The following NAALADL2 variants were observed in gnomAD, a reference collection of about 807,000 sequenced individuals.
The protein encoded by NAALADL2 is N-acetylated alpha-linked acidic dipeptidase like 2, also known as inactive N-acetylated-alpha-linked acidic dipeptidase-like protein 2.
NAALADL2 carries 76 observed loss-of-function variants against 87.2 expected under a neutral mutation model. That is an observed-to-expected ratio of 0.87 (90% CI 0.72 to 1.05). The LOEUF is 1.05. NAALADL2 is among the 50% of genes least tolerant of loss of function. The pLI is 0.00. For synonymous variants in NAALADL2, 354 were observed against 331.0 expected (o/e 1.07, Z -0.75); for missense variants, 1,089 against 945.8 (o/e 1.15, Z -1.99).
At chr3:174,991,587 C>T (rs114432584) in intron 1 of NAALADL2, among the ~76,000 whole-genome samples, 1,788 of 151,852 alleles carry the variant, frequency 0.012, 40 homozygotes, top group African/African-American at 0.041. Flanking sequence ...ATGTACAGAA[C>T]AACAAAAAGC....
chr3:175,438,783 G>A (rs1000191811), intron 5 of NAALADL2, among the ~76,000 whole-genome samples: 1 of 152,030 alleles, frequency 6.6e-6, no homozygotes, highest in African/African-American at 2.4e-5. Flanking sequence ...GTTTATTTTT[G>A]AGTAAAAGAC....
At chr3:174,558,483 G>A (rs755798790) in intron 2 of NAALADL2, among the ~76,000 whole-genome samples, 5 of 151,986 alleles carry the variant, frequency 3.3e-5, no homozygotes, top group Admixed American at 6.6e-5. Flanking sequence ...GCAACTAGAC[G>A]GTCCCATCTG....
chr3:175,755,011 T>C (rs1747074575), intron 12 of NAALADL2, among the ~76,000 whole-genome samples: 1 of 152,190 alleles, frequency 6.6e-6, no homozygotes. Context: ...TGATGCTGAA[T>C]CTTTTTCCTT....
intron 1 of NAALADL2, among the ~76,000 whole-genome samples, chr3:174,961,532 TG>T (rs1260613942): frequency 1.3e-5 from 2 of 152,090 alleles, no homozygotes; most frequent in Non-Finnish European, 2.9e-5. Context: ...AAAAAATGAT[TG>T]AATCATTGGA....
chr3:174,537,579 T>C (rs963111012), intron 1 of NAALADL2, among the ~76,000 whole-genome samples: 1 of 152,098 alleles, frequency 6.6e-6, no homozygotes, highest in Non-Finnish European at 1.5e-5. Context: ...CAGGAAAACA[T>C]ACAAGTACAA....
At chr3:175,358,378 G>T (rs1764613575) in intron 5 of NAALADL2, among the ~76,000 whole-genome samples, 1 of 151,756 alleles carries the variant, frequency 6.6e-6, no homozygotes, top group Admixed American at 6.6e-5. Context: ...TACTGCCTTA[G>T]GAGTCTGATT....
chr3:174,445,082 G>T (rs115129757), intron 1 of NAALADL2, among the ~76,000 whole-genome samples: 1 of 151,130 alleles, frequency 6.6e-6, no homozygotes, highest in African/African-American at 2.4e-5. Context: ...AGGGTTCTGC[G>T]TAAAGTCTTG....
At chr3:175,588,249 C>A (rs1427090773) in intron 10 of NAALADL2, among the ~76,000 whole-genome samples, 3 of 152,072 alleles carry the variant, frequency 2.0e-5, no homozygotes, top group Admixed American at 2.0e-4. Flanking sequence ...ACACCTGAGC[C>A]AATTATTATA....
intron 2 of NAALADL2, among the ~76,000 whole-genome samples, chr3:174,736,505 C>T (rs1335890808): frequency 1.3e-5 from 2 of 152,042 alleles, no homozygotes; most frequent in East Asian, 1.9e-4. Flanking sequence ...CTCCTCTCCA[C>T]AGCTGGTTGT....
At chr3:175,497,704 T>C (rs993536967) in intron 9 of NAALADL2, among the ~76,000 whole-genome samples, 2 of 152,096 alleles carry the variant, frequency 1.3e-5, no homozygotes, top group Non-Finnish European at 2.9e-5. Context: ...GCTAACATAT[T>C]ACAAGGATGA....
chr3:175,168,159 C>T (rs1408536412), intron 2 of NAALADL2, among the ~76,000 whole-genome samples: 1 of 135,510 alleles, frequency 7.4e-6, no homozygotes, highest in Non-Finnish European at 1.7e-5. Context: ...ATGTAAGTTA[C>T]ATTAAAAAAT....
intron 11 of NAALADL2, among the ~76,000 whole-genome samples, chr3:175,718,989 T>C (rs1278420514): frequency 6.6e-6 from 1 of 152,162 alleles, no homozygotes; most frequent in African/African-American, 2.4e-5. Flanking sequence ...TGCGGTATGA[T>C]TGCCATTATC....
chr3:175,401,257 T>C (rs1770523719), intron 5 of NAALADL2, among the ~76,000 whole-genome samples: 1 of 152,122 alleles, frequency 6.6e-6, no homozygotes, highest in Non-Finnish European at 1.5e-5. Context: ...ATACATATTA[T>C]GAAAAAGATG....
chr3:175,187,048 T>G (rs1737446107), intron 2 of NAALADL2, among the ~76,000 whole-genome samples: 1 of 152,158 alleles, frequency 6.6e-6, no homozygotes, highest in African/African-American at 2.4e-5. Flanking sequence ...GCTAGGTGAT[T>G]TCAGAGAGCC....
chr3:174,712,551 C>A (rs921071627), intron 2 of NAALADL2, among the ~76,000 whole-genome samples: 6 of 151,544 alleles, frequency 4.0e-5, no homozygotes, highest in African/African-American at 1.2e-4. Flanking sequence ...CCAGGCCCAG[C>A]TAATTTTTAT....
intron 1 of NAALADL2, among the ~76,000 whole-genome samples, chr3:174,982,890 T>C (rs1288372185): frequency 1.3e-5 from 2 of 152,022 alleles, no homozygotes; most frequent in African/African-American, 4.8e-5. Context: ...CTCCGCCTCC[T>C]GGGTTCACGC....
At chr3:174,828,213 C>T (rs1722217763) in intron 3 of NAALADL2, among the ~76,000 whole-genome samples, 1 of 148,436 alleles carries the variant, frequency 6.7e-6, no homozygotes, top group Admixed American at 6.6e-5. Context: ...TCTCAATCTT[C>T]CCCCCAAAAG....
intron 1 of NAALADL2, among the ~76,000 whole-genome samples, chr3:174,973,701 G>A (rs182437529): frequency 9.9e-5 from 15 of 152,196 alleles, no homozygotes; most frequent in Non-Finnish European, 2.1e-4. Flanking sequence ...TAAGGTATGC[G>A]GTATAGCCTG....
chr3:174,831,292 A>C (rs1372360033), intron 3 of NAALADL2, among the ~76,000 whole-genome samples: 1 of 149,004 alleles, frequency 6.7e-6, no homozygotes, highest in Non-Finnish European at 1.5e-5. Context: ...ATCAATACCT[A>C]ATTTATTGAG....
Sources: gnomAD v4.1 joint callset for allele counts (sites outside exome capture counted in the v4.1 genomes callset) on GRCh38, gnomAD v4.1.1 for gene constraint, MANE v1.5 for transcripts, NCBI Gene and HGNC (gene_info 2026-07-23, HGNC 2026-07-21) for gene names.